Variants in GRM7 observed in about 807,000 individuals in gnomAD.
GRM7 encodes glutamate metabotropic receptor 7.
In GRM7, 35 loss-of-function variants were observed where a neutral mutation model predicts 84.5. The observed-to-expected ratio is 0.41, with a 90% CI of 0.32 to 0.55. GRM7 has a LOEUF of 0.55. GRM7 is among the 20% of genes least tolerant of loss of function. GRM7 has a pLI of 0.19. For missense variants in GRM7, 1,003 were observed against 1,194.6 expected (o/e 0.84, Z 2.36); for synonymous variants, 487 against 455.1 (o/e 1.07, Z -0.89).
chr3:7,667,064 G>C (rs1353019756), intron 8 of GRM7, among the ~76,000 whole-genome samples: 6 of 151,974 alleles, frequency 3.9e-5, no homozygotes, highest in Non-Finnish European at 5.9e-5. Context: ...ATCAGAGTTT[G>C]AAGTCATCTG....
At chr3:6,887,969 C>T (rs1210760849) in intron 1 of GRM7, among the ~76,000 whole-genome samples, 1 of 152,198 alleles carries the variant, frequency 6.6e-6, no homozygotes, top group Non-Finnish European at 1.5e-5. Flanking sequence ...GTTTGCATTT[C>T]TCTTATGGCC....
intron 4 of GRM7, among the ~76,000 whole-genome samples, chr3:7,384,347 A>C (rs1039917296): frequency 6.6e-6 from 1 of 152,154 alleles, no homozygotes; most frequent in Admixed American, 6.6e-5. Flanking sequence ...CATTTGTATC[A>C]ATTTTTGGAG....
At chr3:7,714,232 C>A in intron 9 of GRM7, among the ~76,000 whole-genome samples, 1 of 151,994 alleles carries the variant, frequency 6.6e-6, no homozygotes, top group East Asian at 1.9e-4. Context: ...TGCACAAGGC[C>A]TTTTCACACA....
intron 2 of GRM7, among the ~76,000 whole-genome samples, chr3:7,263,701 A>T: frequency 6.6e-6 from 1 of 152,016 alleles, no homozygotes; most frequent in East Asian, 1.9e-4. Context: ...GCTGCTTTCC[A>T]TGCCTAGTTT....
At chr3:7,272,140 CAT>C (rs1698888592) in intron 2 of GRM7, among the ~76,000 whole-genome samples, 1 of 152,100 alleles carries the variant, frequency 6.6e-6, no homozygotes, top group Non-Finnish European at 1.5e-5. Context: ...CCTTCTATTA[CAT>C]GTTTTTCCTC....
At chr3:7,698,941 C>T (rs1392725109) in intron 9 of GRM7, among the ~76,000 whole-genome samples, 1 of 152,102 alleles carries the variant, frequency 6.6e-6, no homozygotes, top group Admixed American at 6.5e-5. Context: ...GGTTTTACAA[C>T]CAAGGAGTAG....
intron 2 of GRM7, among the ~76,000 whole-genome samples, chr3:7,194,116 T>A (rs898176516): frequency 2.0e-5 from 3 of 152,052 alleles, no homozygotes; most frequent in Non-Finnish European, 2.9e-5. Context: ...AGAAAAAAAA[T>A]ATTGTATAAA....
intron 1 of GRM7, among the ~76,000 whole-genome samples, chr3:6,992,479 G>T (rs1026071785): frequency 6.6e-6 from 1 of 152,152 alleles, no homozygotes; most frequent in Non-Finnish European, 1.5e-5. Flanking sequence ...AATGCTGCCT[G>T]CAGGGAACAG....
intron 1 of GRM7, among the ~76,000 whole-genome samples, chr3:7,087,347 A>T (rs2125004319): frequency 6.6e-6 from 1 of 151,948 alleles, no homozygotes; most frequent in Admixed American, 6.6e-5. Context: ...ATTTGTGCCA[A>T]GTTCTCTGCT....
At chr3:7,683,850 G>A (rs1459344412) in intron 9 of GRM7, among the ~76,000 whole-genome samples, 7 of 152,158 alleles carry the variant, frequency 4.6e-5, no homozygotes, top group Non-Finnish European at 8.8e-5. Context: ...AAATTGACAA[G>A]GATTTTATTC....
At position 7,485,026 on chromosome 3, in the gene GRM7, A is replaced by G. The variant is rs189706307; in HGVS notation, c.1515+23304A>G. Among the ~76,000 whole-genome samples, 37 of 152,274 alleles carry G rather than the reference A, an allele frequency of 2.4e-4. No homozygotes were observed. The East Asian group carries it at 4.8e-3, about 20-fold the overall frequency. ...GCAAGGAACTGAGGCACTTATTCCA[A>G]TAGGCGTGGGAAACTATATCCTGCC... On this transcript the variant is annotated intron_variant, in intron 7 of 9. Coordinates refer to ENST00000357716, the MANE Select transcript of GRM7 (RefSeq NM_000844.4).
intron 2 of GRM7, among the ~76,000 whole-genome samples, chr3:7,185,318 A>G (rs1266680775): frequency 2.0e-5 from 3 of 152,076 alleles, no homozygotes; most frequent in Non-Finnish European, 4.4e-5. Context: ...TTGAGAAGTG[A>G]TGGGGTTTTT....
chr3:7,651,091 A>G (rs1208700074), intron 8 of GRM7, among the ~76,000 whole-genome samples: 1 of 152,188 alleles, frequency 6.6e-6, no homozygotes, highest in Non-Finnish European at 1.5e-5. Flanking sequence ...GGGTGTTCAT[A>G]CAGTTCACGT....
At chr3:6,989,345 A>T (rs1043645270) in intron 1 of GRM7, among the ~76,000 whole-genome samples, 4 of 152,230 alleles carry the variant, frequency 2.6e-5, no homozygotes, top group African/African-American at 9.6e-5. Flanking sequence ...GCATTTTTTT[A>T]AAGGTTATCC....
At chr3:6,901,547 G>A (rs1043804951) in intron 1 of GRM7, among the ~76,000 whole-genome samples, 59 of 132,242 alleles carry the variant, frequency 4.5e-4, no homozygotes, top group African/African-American at 1.4e-3. Flanking sequence ...GCAGTGAGCC[G>A]AGATTGCACC....
chr3:7,618,520 ATTG>A (rs1193969018), intron 8 of GRM7, among the ~76,000 whole-genome samples: 1 of 152,070 alleles, frequency 6.6e-6, no homozygotes, highest in African/African-American at 2.4e-5. Context: ...TTTTTTAATT[ATTG>A]TTATTATTTG....
intron 6 of GRM7, among the ~76,000 whole-genome samples, chr3:7,455,363 G>A (rs1029160761): frequency 1.3e-5 from 2 of 152,052 alleles, no homozygotes; most frequent in Non-Finnish European, 2.9e-5. Context: ...AGCCCTCAAA[G>A]TACCTTTCAC....
At chr3:7,022,131 G>A (rs1369933879) in intron 1 of GRM7, among the ~76,000 whole-genome samples, 3 of 151,802 alleles carry the variant, frequency 2.0e-5, no homozygotes, top group African/African-American at 4.8e-5. Context: ...GTTTGAGACC[G>A]GCCTGTACAA....
intron 1 of GRM7, among the ~76,000 whole-genome samples, chr3:7,063,099 A>G (rs9820417): frequency 0.25 from 38,507 of 151,510 alleles, 5,367 homozygotes; most frequent in African/African-American, 0.37. Context: ...AGCTCAGCTG[A>G]ATGTCATATT....
Sources: gnomAD v4.1 joint callset for allele counts (sites outside exome capture counted in the v4.1 genomes callset) on GRCh38, gnomAD v4.1.1 for gene constraint, MANE v1.5 for transcripts, NCBI Gene and HGNC (gene_info 2026-07-23, HGNC 2026-07-21) for gene names.